SVEP1: variants seen among roughly 807,000 people sequenced by gnomAD.
The protein encoded by SVEP1 is sushi, von Willebrand factor type A, EGF and pentraxin domain containing 1, also known as sushi, von Willebrand factor type A, EGF and pentraxin domain-containing protein 1.
A neutral mutation model predicts 367.3 loss-of-function variants in SVEP1; 164 were observed. The ratio of observed to expected loss-of-function variants is 0.45; its 90% confidence interval spans 0.39 to 0.51. SVEP1 has a LOEUF of 0.51. SVEP1 is among the 20% of genes least tolerant of loss of function. The pLI, the probability that SVEP1 is intolerant of heterozygous loss-of-function variation, is 0.00. For missense variants in SVEP1, 4,117 were observed against 4,425.3 expected (o/e 0.93, Z 1.98); for synonymous variants, 1,666 against 1,611.6 (o/e 1.03, Z -0.81).
chr9:110,414,981 G>C (rs1041042131), intron 36 of SVEP1, among the ~76,000 whole-genome samples: 1 of 151,854 alleles, frequency 6.6e-6, no homozygotes, highest in Non-Finnish European at 1.5e-5. Flanking sequence ...TTCCCTCTGC[G>C]TTTCTCACCA....
Position 110,469,019 on chromosome 9 carries a change from T to G in SVEP1, c.3081A>C (p.Glu1027Asp). ...SCRIGSYQDE[E>D]GQLECKLCPS... ...GGCAAAGCTTGCACTCAAGTTGCCC[T>G]TCTTCATCTTGATAGGATCCGATCC... The change falls in exon 17 of 48, where the codon GAA becomes GAC. Residue 1027 changes from glutamate to aspartate, a missense_variant. This residue lies in a region of SVEP1 where 2,174 missense variants were observed against 2,494.3 expected (regional missense o/e 0.87). Transcript: ENST00000374469. 1 of 1,613,926 alleles carries G rather than the reference T, an allele frequency of 6.2e-7. No individual in the cohort carries two copies.
chr9:110,447,811 T>C (rs1828625972), intron 24 of SVEP1, among the ~76,000 whole-genome samples: 2 of 152,182 alleles, frequency 1.3e-5, no homozygotes, highest in African/African-American at 4.8e-5. Context: ...AGCAGGATCA[T>C]TCTAAATGTC....
chr9:110,527,042 TTGG>T, intron 3 of SVEP1, among the ~76,000 whole-genome samples: 1 of 151,970 alleles, frequency 6.6e-6, no homozygotes, highest in East Asian at 1.9e-4. Flanking sequence ...TGGCTATGGG[TTGG>T]TGGGAAGTGA....
intron 18 of SVEP1, among the ~76,000 whole-genome samples, chr9:110,465,247 T>C (rs1248909254): frequency 6.6e-6 from 1 of 151,692 alleles, no homozygotes; most frequent in Non-Finnish European, 1.5e-5. Flanking sequence ...CCAAAATTAG[T>C]GGCTCTCAGA....
intron 3 of SVEP1, among the ~76,000 whole-genome samples, chr9:110,522,498 C>T (rs1829888224): frequency 6.6e-6 from 1 of 152,132 alleles, no homozygotes; most frequent in South Asian, 2.1e-4. Context: ...GCACTCAAGG[C>T]ACTTGAACAA....
intron 11 of SVEP1, 106 bp from the exon 12 acceptor site, chr9:110,481,542 T>C: frequency 1.3e-6 from 1 of 746,422 alleles, no homozygotes; most frequent in Non-Finnish European, 1.9e-6. Context: ...TGTCTATCGC[T>C]ATTTCTAGAA....
In SVEP1 at chr9:110,528,074, G is replaced by GTATA. The variant is rs35705480; in HGVS notation, c.965-13972_965-13969dup. ...GGCTGAATAGTATTCCATGGTGTAT[G>GTATA]TATATATATATATACACACACACAT... On this transcript the variant is annotated intron_variant, in intron 3 of 47. Coordinates refer to ENST00000374469, the MANE Select transcript of SVEP1 (RefSeq NM_153366.4). 8.1e-3 allele frequency among the ~76,000 whole-genome samples: 1,104 copies of GTATA among 135,948 alleles called. 14 individuals are homozygous for GTATA. The highest frequency in any genetic ancestry group is 0.025 in the African/African-American group (922 of 36,656). The allele number at this position is 135,948 out of a possible 152,430, so 89.2% of individuals were successfully genotyped here. A position where few individuals can be genotyped will look rare whatever the true frequency, so the allele number is the denominator to read the frequency against.
At chr9:110,450,435 T>A (rs1247425562) in intron 23 of SVEP1, among the ~76,000 whole-genome samples, 175 bp from the exon 24 acceptor site, 3 of 151,842 alleles carry the variant, frequency 2.0e-5, no homozygotes, top group Non-Finnish European at 4.4e-5. Context: ...TTGTAAGTCA[T>A]TTTTTTGTGG....
At chr9:110,577,303 G>A (rs990403893) in intron 1 of SVEP1, among the ~76,000 whole-genome samples, 2 of 152,038 alleles carry the variant, frequency 1.3e-5, no homozygotes, top group Non-Finnish European at 2.9e-5. Flanking sequence ...TAGAGAATGG[G>A]ATGAAATAGA....
chr9:110,406,931 C>T lies in SVEP1; in HGVS notation c.8669G>A (p.Arg2890Lys). 1 of 1,613,820 alleles carries T rather than the reference C, an allele frequency of 6.2e-7. No individual in the cohort carries two copies. The highest frequency in any genetic ancestry group is 8.5e-7 in the Non-Finnish European group (1 of 1,179,852). Reference sequence around the variant, plus strand: ...GGCCAGTTGTGGCGGGGTGGCACATCTGACAGGCACACAGTCGGGAGTGGC... The same window carrying T: ...GGCCAGTTGTGGCGGGGTGGCACATTTGACAGGCACACAGTCGGGAGTGGC... Reference protein sequence around the residue: ...SGATPDCVPVRCATPPQLANG... With the variant: ...SGATPDCVPVKCATPPQLANG... Residue 2890 changes from arginine (R) to lysine (K), a missense_variant, in exon 38 of 48, where the codon AGA (arginine) becomes AAA (lysine). By Grantham distance (26) the Arg-to-Lys change is conservative. Around this residue, in one of 4 missense-constraint regions of SVEP1, gnomAD observed 1,765 missense variants for 1,781.1 expected, o/e 0.99. Transcript: ENST00000374469.
chr9:110,472,153 C>A lies in SVEP1; in HGVS notation c.2764+6G>T. 1 of 1,608,836 alleles carries A rather than the reference C, an allele frequency of 6.2e-7. No homozygotes were observed. The highest frequency in any genetic ancestry group is 8.5e-7 in the Non-Finnish European group (1 of 1,178,498). ...TTGCTTTTTCAAATAGACAGTTTAT[C>A]CTTACCTGTGATGTTAAAAATTAAC... On this transcript the variant is annotated splice_donor_region_variant and intron_variant, in intron 15 of 47. Coordinates refer to ENST00000374469, the MANE Select transcript of SVEP1 (RefSeq NM_153366.4).
At chr9:110,387,668 C>G (rs1827546429) in intron 41 of SVEP1, among the ~76,000 whole-genome samples, 1 of 152,142 alleles carries the variant, frequency 6.6e-6, no homozygotes, top group African/African-American at 2.4e-5. Flanking sequence ...GGGAGTTAGT[C>G]TTATTGACTC....
chr9:110,378,363 A>G (rs893457093), intron 44 of SVEP1, among the ~76,000 whole-genome samples: 5 of 152,284 alleles, frequency 3.3e-5, no homozygotes, highest in Middle Eastern at 3.4e-3. Flanking sequence ...TTCTCTTGCA[A>G]TAGCCCCTGT....
At chr9:110,521,397 G>T (rs1020327473) in intron 3 of SVEP1, among the ~76,000 whole-genome samples, 2 of 152,172 alleles carry the variant, frequency 1.3e-5, no homozygotes, top group African/African-American at 4.8e-5. Flanking sequence ...GGCAGGAAAT[G>T]GCACCCTAAC....
chr9:110,429,388 G>A lies in SVEP1; in HGVS notation c.5616-54C>T, dbSNP rs569220373. 38 of 1,277,644 alleles carry A rather than the reference G, an allele frequency of 3.0e-5. No homozygotes were observed. In the Middle Eastern group the frequency reaches 5.8e-4, roughly 19 times the overall value. The allele number at this position is 1,277,644 out of a possible 1,614,324, so 79.1% of individuals were successfully genotyped here. On this transcript the variant is annotated intron_variant, in intron 34 of 47. Transcript: ENST00000374469. ...TATAATTTGCTTTATTTTGCATGCC[G>A]TTATCTGTGCCAAAAACCTCTAAAA... is the stretch of plus-strand genomic sequence containing the variant.
chr9:110,373,207 C>G (rs1827302620), intron 46 of SVEP1, among the ~76,000 whole-genome samples: 1 of 152,180 alleles, frequency 6.6e-6, no homozygotes, highest in Non-Finnish European at 1.5e-5. Flanking sequence ...GGGTAAATAG[C>G]AAAGTTGATT....
intron 13 of SVEP1, among the ~76,000 whole-genome samples, chr9:110,478,081 G>A (rs368224961): frequency 4.0e-5 from 6 of 151,840 alleles, no homozygotes; most frequent in Admixed American, 6.6e-5. Flanking sequence ...ACATCTTTAC[G>A]GTGGTTCAAA....
Position 110,528,150 on chromosome 9 carries a change from GTGTGTGTATATATATATA to G in SVEP1, c.965-14062_965-14045del, listed in dbSNP as rs1218637749. ...TACACACGTGTGTGTGTGTGTGTGT[GTGTGTGTATATATATATA>G]TATATATATATATATATATGCCACA... is the stretch of plus-strand genomic sequence containing the variant. On this transcript the variant is annotated intron_variant, in intron 3 of 47. Coordinates refer to ENST00000374469, the MANE Select transcript of SVEP1 (RefSeq NM_153366.4). Among the ~76,000 whole-genome samples, 343 of 42,730 alleles carry G rather than the reference GTGTGTGTATATATATATA, an allele frequency of 8.0e-3. 8 individuals are homozygous for G. Among genetic ancestry groups the G allele is most frequent in the African/African-American group, 0.032 (327 of 10,270 alleles). 28.0% of individuals were successfully genotyped at this position (42,730 alleles called of 152,430 possible). A position where few individuals can be genotyped will look rare whatever the true frequency, so the allele number is the denominator to read the frequency against.
chr9:110,429,387 C>T lies in SVEP1; in HGVS notation c.5616-53G>A, dbSNP rs550811728. 5.6e-5 allele frequency: 72 copies of T among 1,296,376 alleles called. No individual in the cohort carries two copies. The Admixed American group carries it at 9.2e-4, about 17-fold the overall frequency. The allele number at this position is 1,296,376 out of a possible 1,614,324, so 80.3% of individuals were successfully genotyped here. ...ATATAATTTGCTTTATTTTGCATGCCGTTATCTGTGCCAAAAACCTCTAAA... is the reference window on the plus strand; with the variant it reads ...ATATAATTTGCTTTATTTTGCATGCTGTTATCTGTGCCAAAAACCTCTAAA... On this transcript the variant is annotated intron_variant, in intron 34 of 47. Transcript: ENST00000374469.
Sources: gnomAD v4.1 joint callset for allele counts (sites outside exome capture counted in the v4.1 genomes callset) on GRCh38, gnomAD v4.1.1 for gene constraint, gnomAD v4.1.1 regional missense constraint, MANE v1.5 for transcripts, NCBI Gene and HGNC (gene_info 2026-07-23, HGNC 2026-07-21) for gene names.